The following KCNH1 variants were observed in gnomAD, a reference collection of about 807,000 sequenced individuals.
KCNH1 encodes the protein voltage-gated delayed rectifier potassium channel KCNH1.
In KCNH1, 27 loss-of-function variants were observed where a neutral mutation model predicts 69.2. That is an observed-to-expected ratio of 0.39 (90% CI 0.29 to 0.54). The LOEUF is 0.54. Ranked by LOEUF, KCNH1 falls within the 20% of genes least tolerant of loss-of-function variation. The probability of loss-of-function intolerance (pLI) is 0.68; values close to 1 mark genes in which losing one functional copy is unlikely to be tolerated. For synonymous variants in KCNH1, 456 were observed against 487.7 expected, an observed-to-expected ratio of 0.93 and a Z score of 0.86; for missense variants, 798 against 1,261.6, an observed-to-expected ratio of 0.63 and a Z score of 5.57.
chr1:210,835,100 T>C (rs1282562640), intron 7 of KCNH1, among the ~76,000 whole-genome samples: 1 of 152,216 alleles, frequency 6.6e-6, no homozygotes, highest in Admixed American at 6.5e-5. Context: ...GAATGCCTTT[T>C]GTTTCTTCTA....
At chr1:210,735,421 AGTGTGTGTGTGTGTGTGTGTGTGTGT>A (rs71146244) in intron 10 of KCNH1, among the ~76,000 whole-genome samples, 1 of 131,982 alleles carries the variant, frequency 7.6e-6, no homozygotes, top group Non-Finnish European at 1.7e-5. Context: ...TGAGTGAGTG[AGTGTGTGTGTGTGTGTGTGTGTGTGT>A]GTGTGTGTGT....
At chr1:210,686,425 C>G (rs927771280) in intron 10 of KCNH1, among the ~76,000 whole-genome samples, 3 of 152,184 alleles carry the variant, frequency 2.0e-5, no homozygotes, top group Non-Finnish European at 2.9e-5. Context: ...CTCCAATGGC[C>G]CTTTCTATGG....
At chr1:211,073,042 C>T (rs1029940145) in intron 5 of KCNH1, among the ~76,000 whole-genome samples, 1 of 152,162 alleles carries the variant, frequency 6.6e-6, no homozygotes, top group Non-Finnish European at 1.5e-5. Flanking sequence ...AAAGATATAT[C>T]ATGCTAAAAG....
chr1:211,050,260 TA>T (rs747498526), intron 5 of KCNH1, among the ~76,000 whole-genome samples: 105 of 58,552 alleles, frequency 1.8e-3, no homozygotes, highest in Middle Eastern at 9.8e-3. Flanking sequence ...CACACATTCT[TA>T]AAAAAAAAAA....
chr1:210,988,276 C>T (rs6659135), intron 6 of KCNH1, among the ~76,000 whole-genome samples: 21,254 of 152,000 alleles, frequency 0.14, 1,772 homozygotes, highest in East Asian at 0.38. Flanking sequence ...ACATGGTGTG[C>T]TGCACCCACT....
chr1:210,864,262 C>T (rs1430274374), intron 7 of KCNH1, among the ~76,000 whole-genome samples: 1 of 152,146 alleles, frequency 6.6e-6, no homozygotes, highest in Non-Finnish European at 1.5e-5. Context: ...ACCCCCTCAG[C>T]ATGGTAGCAA....
rs571138330 is a variant in KCNH1, at chr1:210,834,001, G to T, written c.1463-29835C>A. On this transcript the variant is annotated intron_variant, in intron 7 of 10. Transcript: ENST00000271751. ...CACAATGAGATAGCATCTCACACCA[G>T]TTAGAATGGCAATCATTAAAAAGTC... Among the ~76,000 whole-genome samples, 605 of 152,308 alleles carry T rather than the reference G, an allele frequency of 4.0e-3. 6 individuals carry two copies. The highest frequency in any genetic ancestry group is 0.014 in the African/African-American group (578 of 41,554).
At chr1:210,794,764 T>C (rs1477079894) in intron 9 of KCNH1, among the ~76,000 whole-genome samples, 3 of 152,118 alleles carry the variant, frequency 2.0e-5, no homozygotes, top group Non-Finnish European at 2.9e-5. Flanking sequence ...AAAATGCCCT[T>C]ATCAAAGGGT....
At chr1:211,002,664 C>T (rs1347656584) in intron 6 of KCNH1, among the ~76,000 whole-genome samples, 3 of 151,888 alleles carry the variant, frequency 2.0e-5, no homozygotes, top group African/African-American at 7.3e-5. Flanking sequence ...CTCTGAATAA[C>T]ACAATAACCA....
chr1:211,068,009 G>T (rs867376947), intron 5 of KCNH1, among the ~76,000 whole-genome samples: 1 of 152,224 alleles, frequency 6.6e-6, no homozygotes, highest in Non-Finnish European at 1.5e-5. Flanking sequence ...CTAGAAAGGA[G>T]ATACGAGTTC....
intron 10 of KCNH1, among the ~76,000 whole-genome samples, chr1:210,721,691 T>C (rs184677682): frequency 5.9e-5 from 9 of 152,214 alleles, no homozygotes; most frequent in South Asian, 4.1e-4. Flanking sequence ...TTAGGAGATA[T>C]ACCTAATGTT....
intron 7 of KCNH1, chr1:210,859,281 C>T: frequency 6.3e-7 from 1 of 1,591,666 alleles, no homozygotes; most frequent in South Asian, 1.1e-5. Flanking sequence ...TCATGAGCTG[C>T]TCTTCTTTGA....
intron 7 of KCNH1, among the ~76,000 whole-genome samples, chr1:210,850,525 T>G (rs959971769): frequency 1.3e-5 from 2 of 151,976 alleles, no homozygotes; most frequent in Non-Finnish European, 2.9e-5. Context: ...AGAAAAAATG[T>G]TTTTTAAAAA....
chr1:210,829,817 C>T (rs900135071), intron 7 of KCNH1, among the ~76,000 whole-genome samples: 1 of 152,174 alleles, frequency 6.6e-6, no homozygotes, highest in Admixed American at 6.5e-5. Flanking sequence ...GCTCTATGAT[C>T]CCCAACTCCC....
chr1:210,964,611 T>C (rs981784350), intron 6 of KCNH1, among the ~76,000 whole-genome samples: 3 of 151,892 alleles, frequency 2.0e-5, no homozygotes, highest in Non-Finnish European at 4.4e-5. Context: ...CAGTAATTAA[T>C]AGCCTACAAA....
intron 10 of KCNH1, among the ~76,000 whole-genome samples, chr1:210,765,233 A>C (rs535746005): frequency 9.2e-5 from 14 of 152,230 alleles, no homozygotes; most frequent in Admixed American, 2.6e-4. Context: ...AGAAGGGTCC[A>C]AAACTGGGCA....
At position 210,895,626 on chromosome 1, in the gene KCNH1, A is replaced by G. The variant is rs184067156; in HGVS notation, c.1462+24014T>C. 9.8e-5 allele frequency among the ~76,000 whole-genome samples: 15 copies of G among 152,286 alleles called. No homozygotes were observed. The East Asian group carries it at 2.9e-3, about 29-fold the overall frequency. ...TGGCAATAGAAGGCCTCTCTGACCCATAATTATCTTCCCACACATACCCAT... is the reference window on the plus strand; with the variant it reads ...TGGCAATAGAAGGCCTCTCTGACCCGTAATTATCTTCCCACACATACCCAT... On this transcript the variant is annotated intron_variant, in intron 7 of 10. Transcript: ENST00000271751.
intron 6 of KCNH1, among the ~76,000 whole-genome samples, chr1:210,951,775 A>G (rs1688067087): frequency 6.6e-6 from 1 of 152,192 alleles, no homozygotes; most frequent in Admixed American, 6.5e-5. Flanking sequence ...CAACACAACC[A>G]TATCAGTACA....
intron 10 of KCNH1, among the ~76,000 whole-genome samples, chr1:210,736,976 CA>C (rs1355548987): frequency 6.6e-6 from 1 of 152,154 alleles, no homozygotes; most frequent in African/African-American, 2.4e-5. Context: ...ACCATTTATG[CA>C]GAATTACATG....
Sources: gnomAD v4.1 joint callset for allele counts (sites outside exome capture counted in the v4.1 genomes callset) on GRCh38, gnomAD v4.1.1 for gene constraint, MANE v1.5 for transcripts, NCBI Gene and HGNC (gene_info 2026-07-23, HGNC 2026-07-21) for gene names.